The following USP20 variants were observed in gnomAD, a reference collection of about 807,000 sequenced individuals.
USP20 encodes the protein ubiquitin specific peptidase 20.
USP20 carries 80 observed loss-of-function variants against 124.2 expected under a neutral mutation model. The observed-to-expected ratio is 0.64, with a 90% confidence interval of 0.54 to 0.78. USP20 has a LOEUF of 0.78. Among genes scored for constraint, USP20 ranks in the 30% least tolerant of loss-of-function variants. The probability of loss-of-function intolerance (pLI) is 0.00; values close to 1 mark genes in which losing one functional copy is unlikely to be tolerated. For missense variants in USP20, 1,043 were observed against 1,244.4 expected (o/e 0.84, Z 2.44); for synonymous variants, 481 against 512.3 (o/e 0.94, Z 0.83).
intron 1 of USP20, among the ~76,000 whole-genome samples, chr9:129,847,183 A>G (rs1212733649): frequency 6.6e-6 from 1 of 151,604 alleles, no homozygotes; most frequent in African/African-American, 2.4e-5. Flanking sequence ...GTGTGGTACT[A>G]TTTTACAGTT....
rs1197037996 is a variant in USP20 at position 129,879,676 on chromosome 9, C to G, written c.2584+32C>G. 1 of 1,612,374 alleles carries G rather than the reference C, an allele frequency of 6.2e-7. No individual in the cohort carries two copies. The highest frequency in any genetic ancestry group is 1.3e-5 in the African/African-American group (1 of 74,904). On this transcript the variant is annotated intron_variant, in intron 24 of 25. Transcript: ENST00000372429. This position sits in a 1 kb window ranked among gnomAD's most constrained non-coding sequence, Gnocchi z 4.2. ...TCCCCCTGGGGTCAGCCAGGCTCCT[C>G]TCTGCCCTTCCTGGCTGCCAGGCTG... is the stretch of plus-strand genomic sequence containing the variant.
At chr9:129,856,397 G>C in intron 4 of USP20, 37 bp downstream of exon 4, 1 of 1,606,464 alleles carries the variant, frequency 6.2e-7, no homozygotes, top group South Asian at 1.1e-5. Context: ...GTGTAGAGCT[G>C]CTTCCACCTG....
chr9:129,872,590 T>C (rs10760642), intron 15 of USP20, among the ~76,000 whole-genome samples: 127,816 of 152,212 alleles, frequency 0.84, 54,465 homozygotes, highest in East Asian at 0.98. Context: ...GTTTCAGAGA[T>C]CATCGCCAGA....
At position 129,869,307 on chromosome 9, in the gene USP20, C is replaced by T. The variant is rs2033996703; in HGVS notation, c.1277-3C>T. 6.2e-7 allele frequency: 1 copy of T among 1,613,116 alleles called. No homozygotes were observed. Among genetic ancestry groups the T allele is most frequent in the African/African-American group, 1.3e-5 (1 of 74,932 alleles). The stretch of plus-strand genomic sequence containing the variant: ...CTGGGCTAGTCCTGTGCTGTGTCCC[C>T]AGCCCAGGTATTGAGTGCTGGCAGC... On this transcript the variant is annotated splice_polypyrimidine_tract_variant and splice_region_variant and intron_variant, in intron 12 of 25. Coordinates refer to ENST00000372429, the MANE Select transcript of USP20 (RefSeq NM_001110303.4).
intron 1 of USP20, among the ~76,000 whole-genome samples, chr9:129,836,526 T>A (rs2031848939): frequency 2.6e-5 from 4 of 152,078 alleles, no homozygotes. Context: ...TTGCTGCTGC[T>A]GCAGCTGCTG....
At chr9:129,867,177 C>G (rs542141164) in intron 10 of USP20, among the ~76,000 whole-genome samples, 2 of 152,170 alleles carry the variant, frequency 1.3e-5, no homozygotes, top group Non-Finnish European at 2.9e-5. Flanking sequence ...CAGCACCACC[C>G]GAGCACCCGC....
At chr9:129,838,687 A>G (rs1445137643) in intron 1 of USP20, among the ~76,000 whole-genome samples, 1 of 152,194 alleles carries the variant, frequency 6.6e-6, no homozygotes, top group Non-Finnish European at 1.5e-5. Flanking sequence ...CCCAGAAATC[A>G]TGATTTTCCT....
rs1564229309 is a variant in USP20, at chr9:129,881,808, A to G, written c.*1358A>G. ...GTCTAGTTTGTGTTCAAAATGTCAG[A>G]ATAAACACAGAATAAATGTTCCCAC... On this transcript the variant is annotated 3_prime_UTR_variant, in exon 26 of 26. Coordinates refer to ENST00000372429, the MANE Select transcript of USP20 (RefSeq NM_001110303.4). The G allele has an allele frequency of 6.6e-6, 1 of 152,268 alleles. No homozygotes were observed. Among genetic ancestry groups the G allele is most frequent in the Non-Finnish European group, 1.5e-5 (1 of 68,054 alleles). 9.4% of individuals were successfully genotyped at this position (152,268 alleles called of 1,614,324 possible).
intron 14 of USP20, 60 bp from the exon 15 acceptor site, chr9:129,870,393 T>C: frequency 6.4e-7 from 1 of 1,567,236 alleles, no homozygotes; most frequent in Non-Finnish European, 8.8e-7. Context: ...CCAGAGTCCC[T>C]TCAGCTCCTG....
chr9:129,873,783 T>G (rs759491676), intron 17 of USP20, 39 bp downstream of exon 17: 4 of 1,606,006 alleles, frequency 2.5e-6, no homozygotes, highest in Non-Finnish European at 3.4e-6. Flanking sequence ...CTCAGCTATC[T>G]CGGGATGCAC....
chr9:129,852,651 C>T lies in USP20; in HGVS notation c.81+15C>T, dbSNP rs1371140448. 6.4e-7 allele frequency: 1 copy of T among 1,572,954 alleles called. No individual in the cohort carries two copies. The highest frequency in any genetic ancestry group is 8.6e-7 in the Non-Finnish European group (1 of 1,157,550). On this transcript the variant is annotated intron_variant, in intron 3 of 25. Coordinates refer to ENST00000372429, the MANE Select transcript of USP20 (RefSeq NM_001110303.4). Reference sequence around the variant, plus strand: ...TCAAATCTAAGGTAAAGGGTCAGACCTTACGGGGCCAGGGCCCACACCCAG... The same window carrying T: ...TCAAATCTAAGGTAAAGGGTCAGACTTTACGGGGCCAGGGCCCACACCCAG...
chr9:129,851,806 C>CT (rs112731446), intron 2 of USP20, among the ~76,000 whole-genome samples: 22,078 of 148,358 alleles, frequency 0.15, 2,076 homozygotes, highest in African/African-American at 0.27. Flanking sequence ...AGCAACAGAG[C>CT]TTTTTTTTTT....
intron 24 of USP20, 73 bp from the exon 25 acceptor site, chr9:129,880,040 C>G (rs997930466): frequency 6.4e-7 from 1 of 1,554,086 alleles, no homozygotes. Context: ...CCCTGCGGAG[C>G]CCCCACTGCC....
rs1196757077 is a variant in USP20, at chr9:129,868,040, G to A, written c.726G>A (p.Gln242=). 6.2e-7 allele frequency: 1 copy of A among 1,614,082 alleles called. No individual in the cohort carries two copies. The highest frequency in any genetic ancestry group is 2.2e-5 in the East Asian group (1 of 44,880). ...TQEFLRCLMD[Q]LHEELKEPVV... ...AGTTCCTTCGCTGCCTGATGGACCA[G>A]CTGCACGAGGAGCTCAAGGAGCCGG... Residue 242 remains glutamine (Q), a synonymous_variant, in exon 11 of 26, where the codon CAG becomes CAA. Coordinates refer to ENST00000372429, the MANE Select transcript of USP20 (RefSeq NM_001110303.4).
At chr9:129,866,580 C>T (rs1173944875) in intron 10 of USP20, among the ~76,000 whole-genome samples, 2 of 152,222 alleles carry the variant, frequency 1.3e-5, no homozygotes, top group South Asian at 2.1e-4. Flanking sequence ...TGCCGGCTTT[C>T]AGCTCTGGGT....
chr9:129,859,062 G>A (rs1053128355), intron 6 of USP20, among the ~76,000 whole-genome samples: 15 of 151,824 alleles, frequency 9.9e-5, no homozygotes, highest in African/African-American at 3.6e-4. Context: ...CCTGGGTAAC[G>A]TCAACCAGAG....
chr9:129,876,206 C>T lies in USP20; in HGVS notation c.2377C>T (p.Arg793Cys), dbSNP rs773828016. 1.7e-5 allele frequency: 28 copies of T among 1,609,736 alleles called. No homozygotes were observed. In the African/African-American group the frequency reaches 2.4e-4, roughly 14 times the overall value. The change falls in exon 22 of 26, where the codon CGC becomes TGC. Residue 793 changes from arginine (R) to cysteine (C), a missense_variant. Physicochemically the swap from Arg to Cys is radical, Grantham distance 180 (BLOSUM62 -3). Coordinates refer to ENST00000372429, the MANE Select transcript of USP20 (RefSeq NM_001110303.4). ...GGTGGAGATCGAGGCACTGGCCAAGCGCAGGAGGATCGAGATCGACACCTT... is the reference window on the plus strand; with the variant it reads ...GGTGGAGATCGAGGCACTGGCCAAGTGCAGGAGGATCGAGATCGACACCTT... ...CQVEIEALAK[R>C]RRIEIDTFIK...
chr9:129,846,247 ATTTT>A (rs35809246), intron 1 of USP20, among the ~76,000 whole-genome samples: 3 of 32,662 alleles, frequency 9.2e-5, no homozygotes, highest in African/African-American at 1.2e-4. Context: ...ATATATATAT[ATTTT>A]TTTTTTTTTT....
intron 1 of USP20, among the ~76,000 whole-genome samples, chr9:129,837,974 A>G (rs1264101404): frequency 1.3e-5 from 2 of 152,214 alleles, no homozygotes; most frequent in African/African-American, 4.8e-5. Flanking sequence ...TAGCAAGACA[A>G]ACAGTATCCA....
Sources: allele counts gnomAD v4.1 joint callset (sites outside exome capture counted in the v4.1 genomes callset), GRCh38; gene constraint gnomAD v4.1.1; non-coding constraint Gnocchi (gnomAD v3.1); transcripts MANE v1.5; gene names NCBI Gene and HGNC (gene_info 2026-07-23, HGNC 2026-07-21).